KEL: variants seen among roughly 807,000 people sequenced by gnomAD.
KEL encodes the protein Kell metallo-endopeptidase (Kell blood group).
A neutral mutation model predicts 99.5 loss-of-function variants in KEL; 96 were observed. That is an observed-to-expected ratio of 0.97 (90% CI 0.82 to 1.14). The LOEUF is 1.14. KEL is among the 50% of genes most tolerant of loss of function. The probability of loss-of-function intolerance (pLI) is 0.00; values close to 1 mark genes in which losing one functional copy is unlikely to be tolerated. For missense variants in KEL, 926 were observed against 924.2 expected, an observed-to-expected ratio of 1.00 and a Z score of -0.03; for synonymous variants, 355 against 354.8, an observed-to-expected ratio of 1.00 and a Z score of -0.01.
intron 8 of KEL, 29 bp from the exon 9 acceptor site, chr7:142,953,985 GA>G: frequency 6.2e-7 from 1 of 1,611,448 alleles, no homozygotes. Context: ...AGCTGAGGGG[GA>G]AAAGGAAAAG....
chr7:142,954,894 T>A (rs1250423887), intron 6 of KEL, among the ~76,000 whole-genome samples: 1 of 152,144 alleles, frequency 6.6e-6, no homozygotes, highest in African/African-American at 2.4e-5. Context: ...AACTCAGTAA[T>A]CAAACTGCAA....
Position 142,961,102 on chromosome 7 carries a change from G to A in KEL, c.226C>T (p.Pro76Ser), listed in dbSNP as rs1562965580. 1.2e-6 allele frequency: 2 copies of A among 1,613,398 alleles called. No individual in the cohort carries two copies. The highest frequency in any genetic ancestry group is 8.5e-7 in the Non-Finnish European group (1 of 1,180,028). Residue 76 changes from proline to serine, a missense_variant and splice_region_variant, in exon 4 of 19, where the codon CCC becomes TCC. Pro to Ser is a moderately conservative substitution (Grantham distance 74, BLOSUM62 -1). Coordinates refer to ENST00000355265, the MANE Select transcript of KEL (RefSeq NM_000420.3). ...TCCAAACACACAGATGTCTCACAGG[G>A]GCCTGTGGGGAAAAGCTCAGAGCTG... ...FYNFQNCGPR[P>S]CETSVCLDLR...
rs776162008 is a variant in KEL at position 142,941,122 on chromosome 7, C to G, written c.*130G>C. On this transcript the variant is annotated 3_prime_UTR_variant, in exon 19 of 19. Coordinates refer to ENST00000355265, the MANE Select transcript of KEL (RefSeq NM_000420.3). ...ATAGCAGGAACAAGTCATTAAGAGA[C>G]AAGCGGAAGCCAAGTGCCAGCTTTT... 2.1e-6 allele frequency: 2 copies of G among 973,238 alleles called. No individual in the cohort carries two copies. Among genetic ancestry groups the G allele is most frequent in the South Asian group, 1.4e-5 (1 of 73,736 alleles). The allele number at this position is 973,238 out of a possible 1,614,324, so 60.3% of individuals were successfully genotyped here. A position where few individuals can be genotyped will look rare whatever the true frequency, so the allele number is the denominator to read the frequency against.
In KEL at chr7:142,958,384, A is replaced by G. The variant is rs1332339272; in HGVS notation, c.445T>C (p.Phe149Leu). 2 of 1,614,168 alleles carry G rather than the reference A, an allele frequency of 1.2e-6. No individual in the cohort carries two copies. The change falls in exon 5 of 19, where the codon TTC (phenylalanine) becomes CTC (leucine). Residue 149 changes from phenylalanine to leucine, a missense_variant. Phe to Leu is a conservative substitution (Grantham distance 22). Transcript: ENST00000355265. Reference protein sequence around the residue: ...WHPGSGEEKAFQFYNSCMDTL... With the variant: ...WHPGSGEEKALQFYNSCMDTL... Reference sequence around the variant, plus strand: ...TCCATGCAGGAGTTGTAGAACTGGAAGGCTTTCTCCTCCCCAGAGCCTGGG... The same window carrying G: ...TCCATGCAGGAGTTGTAGAACTGGAGGGCTTTCTCCTCCCCAGAGCCTGGG...
intron 11 of KEL, 175 bp downstream of exon 11, chr7:142,946,032 T>C: frequency 1.6e-6 from 1 of 620,040 alleles, no homozygotes; most frequent in South Asian, 1.9e-5. Flanking sequence ...AGCTGAACTG[T>C]TTCCACACCA....
At chr7:142,949,059 C>T (rs1445569296) in intron 10 of KEL, among the ~76,000 whole-genome samples, 2 of 152,196 alleles carry the variant, frequency 1.3e-5, no homozygotes, top group African/African-American at 4.8e-5. Flanking sequence ...AGCACCACTA[C>T]CATCCTACCA....
rs201778033 is a variant in KEL at position 142,943,321 on chromosome 7, C to G, written c.1726G>C (p.Gly576Arg). The change falls in exon 16 of 19, where the codon GGC (glycine) becomes CGC (arginine). Residue 576 changes from glycine (G) to arginine (R), a missense_variant. By Grantham distance (125) the Gly-to-Arg change is moderately radical. Coordinates refer to ENST00000355265, the MANE Select transcript of KEL (RefSeq NM_000420.3). ...AACAGCTCGTGGGCCATGATGCTGC[C>G]AGCAGCGCCAAAGTTCACGGCTCTA... ...YPRAVNFGAA[G>R]SIMAHELLHI... The G allele has an allele frequency of 1.1e-5, 17 of 1,614,012 alleles. No individual in the cohort carries two copies. The highest frequency in any genetic ancestry group is 4.2e-6 in the Non-Finnish European group (5 of 1,180,006).
At chr7:142,943,136 A>G in intron 16 of KEL, 92 bp from the exon 17 acceptor site, 1 of 1,558,488 alleles carries the variant, frequency 6.4e-7, no homozygotes, top group Non-Finnish European at 8.8e-7. Flanking sequence ...AGACTGAATC[A>G]GCTCCCAGGA....
chr7:142,941,895 G>A (rs539884754), intron 18 of KEL, among the ~76,000 whole-genome samples: 2 of 150,114 alleles, frequency 1.3e-5, no homozygotes, highest in South Asian at 4.2e-4. Context: ...TGCAACCTCC[G>A]CCTCCCAGGT....
chr7:142,948,060 T>G (rs1338032465), intron 10 of KEL, among the ~76,000 whole-genome samples: 1 of 152,172 alleles, frequency 6.6e-6, no homozygotes, highest in East Asian at 1.9e-4. Flanking sequence ...AGCTTGGAAG[T>G]GTAGATCTGC....
At chr7:142,944,078 C>T (rs1035486749) in intron 13 of KEL, among the ~76,000 whole-genome samples, 195 bp from the exon 14 acceptor site, 7 of 152,296 alleles carry the variant, frequency 4.6e-5, no homozygotes, top group African/African-American at 7.2e-5. Context: ...CAGATGAACA[C>T]GCCCAGACAA....
chr7:142,952,330 C>T (rs1796706444), intron 10 of KEL, among the ~76,000 whole-genome samples, 179 bp downstream of exon 10: 1 of 152,124 alleles, frequency 6.6e-6, no homozygotes, highest in Non-Finnish European at 1.5e-5. Context: ...CACGTGGCAT[C>T]TTGGTTTTCA....
chr7:142,941,574 C>A (rs1486083308), intron 18 of KEL, among the ~76,000 whole-genome samples, 161 bp from the exon 19 acceptor site: 1 of 152,080 alleles, frequency 6.6e-6, no homozygotes, highest in Non-Finnish European at 1.5e-5. Flanking sequence ...TTTAATCTGG[C>A]AATAGGAGTC....
rs1796941609 is a variant in KEL at position 142,961,000 on chromosome 7, T to C, written c.328A>G (p.Arg110Gly). 1.9e-6 allele frequency: 3 copies of C among 1,614,228 alleles called. No individual in the cohort carries two copies. The highest frequency in any genetic ancestry group is 2.2e-5 in the South Asian group (2 of 91,090). The change falls in exon 4 of 19, where the codon AGG (arginine) becomes GGG (glycine). Residue 110 changes from arginine (R) to glycine (G), a missense_variant. Arg to Gly is a moderately radical substitution (Grantham distance 125). Transcript: ENST00000355265. ...CTDFFSFACG[R>G]AKETNNSFQE... is the part of the protein sequence containing the mutation. ...AAAGAATTATTGGTCTCTTTGGCCCTTCCACAGGCAAAGCTGAAGAAGTCG... is the reference window on the plus strand; with the variant it reads ...AAAGAATTATTGGTCTCTTTGGCCCCTCCACAGGCAAAGCTGAAGAAGTCG...
At chr7:142,947,185 G>T (rs570891532) in intron 10 of KEL, among the ~76,000 whole-genome samples, 1 of 152,364 alleles carries the variant, frequency 6.6e-6, no homozygotes, top group East Asian at 1.9e-4. Context: ...GGAGGAGGTA[G>T]CTGGCCTGAG....
chr7:142,958,032 C>T, intron 5 of KEL, 59 bp from the exon 6 acceptor site: 1 of 1,583,292 alleles, frequency 6.3e-7, no homozygotes, highest in Non-Finnish European at 8.6e-7. Context: ...CCCCCATTGT[C>T]TGGATCGGCT....
In KEL at chr7:142,943,966, C is replaced by T. The variant is rs896575543; in HGVS notation, c.1492-83G>A. 7 of 1,162,016 alleles carry T rather than the reference C, an allele frequency of 6.0e-6. No individual in the cohort carries two copies. The East Asian group carries it at 1.5e-4, about 25-fold the overall frequency. 72.0% of individuals were successfully genotyped at this position (1,162,016 alleles called of 1,614,324 possible). A position where few individuals can be genotyped will look rare whatever the true frequency, so the allele number is the denominator to read the frequency against. ...ACAAACACCAATGGGACCATTTGAC[C>T]CCAAACAGGCAAGCCCTGACAGGCA... On this transcript the variant is annotated intron_variant, in intron 13 of 18. Coordinates refer to ENST00000355265, the MANE Select transcript of KEL (RefSeq NM_000420.3).
At chr7:142,943,137 G>A in intron 16 of KEL, 93 bp from the exon 17 acceptor site, 1 of 1,558,236 alleles carries the variant, frequency 6.4e-7, no homozygotes, top group South Asian at 1.1e-5. Flanking sequence ...GACTGAATCA[G>A]CTCCCAGGAG....
rs185611285 is a variant in KEL, at chr7:142,943,626, C to T, written c.1593-30G>A. The T allele has an allele frequency of 3.2e-6, 5 of 1,556,222 alleles. No individual in the cohort carries two copies. The Admixed American group carries it at 5.0e-5, about 16-fold the overall frequency. On this transcript the variant is annotated intron_variant, in intron 14 of 18. Coordinates refer to ENST00000355265, the MANE Select transcript of KEL (RefSeq NM_000420.3). ...GGGAAGAGGACATGTGAACTCCAGC[C>T]CCCACCACGTATTGCCCTGCCACCC...
Sources: gnomAD v4.1 joint callset for allele counts (sites outside exome capture counted in the v4.1 genomes callset) on GRCh38, gnomAD v4.1.1 for gene constraint, MANE v1.5 for transcripts, NCBI Gene and HGNC (gene_info 2026-07-23, HGNC 2026-07-21) for gene names.